Variants in ARHGAP15 observed in about 807,000 individuals in gnomAD.
ARHGAP15 encodes the protein rho GTPase-activating protein 15.
A neutral mutation model predicts 63.7 loss-of-function variants in ARHGAP15; 51 were observed. That is an observed-to-expected ratio of 0.80 (90% CI 0.64 to 1.01). ARHGAP15 has a LOEUF of 1.01. Among genes scored for constraint, ARHGAP15 ranks in the 50% least tolerant of loss-of-function variants. ARHGAP15 has a pLI of 0.00. For missense variants in ARHGAP15, 560 were observed against 564.6 expected, an observed-to-expected ratio of 0.99 and a Z score of 0.08; for synonymous variants, 191 against 193.8, an observed-to-expected ratio of 0.99 and a Z score of 0.12.
In ARHGAP15 at chr2:143,703,448, G is replaced by A; in HGVS notation, c.1168G>A (p.Ala390Thr). ...GCAAGACAACAACACAAGAATTGAA[G>A]CTGTAAAATCTCTTGTACAAAAACT... ...KKQDNNTRIE[A>T]VKSLVQKLPP... Residue 390 changes from alanine (A) to threonine (T), a missense_variant, in exon 13 of 14, where the codon GCT becomes ACT. Ala to Thr is a moderately conservative substitution (Grantham distance 58). Coordinates refer to ENST00000295095, the MANE Select transcript of ARHGAP15 (RefSeq NM_018460.4). 1 of 1,610,654 alleles carries A rather than the reference G, an allele frequency of 6.2e-7. No individual in the cohort carries two copies. Among genetic ancestry groups the A allele is most frequent in the Non-Finnish European group, 8.5e-7 (1 of 1,178,748 alleles).
chr2:143,436,233 AC>A (rs1349939762), intron 7 of ARHGAP15, among the ~76,000 whole-genome samples: 1 of 152,164 alleles, frequency 6.6e-6, no homozygotes, highest in East Asian at 1.9e-4. Flanking sequence ...CTTATTTAAA[AC>A]CACTCATTCC....
chr2:143,218,662 T>A (rs1298323949), intron 4 of ARHGAP15, among the ~76,000 whole-genome samples: 3 of 152,226 alleles, frequency 2.0e-5, no homozygotes, highest in East Asian at 3.8e-4. Flanking sequence ...TATGGTGCTA[T>A]AGAGACATGC....
chr2:143,622,576 G>T (rs999949826), intron 11 of ARHGAP15, among the ~76,000 whole-genome samples: 1 of 152,016 alleles, frequency 6.6e-6, no homozygotes, highest in African/African-American at 2.4e-5. Flanking sequence ...AATCAAAAAT[G>T]ATTGCAGGGC....
intron 10 of ARHGAP15, among the ~76,000 whole-genome samples, chr2:143,540,828 CT>C (rs1341762849): frequency 1.3e-5 from 2 of 152,132 alleles, no homozygotes; most frequent in East Asian, 1.9e-4. Context: ...TTCATTTCAA[CT>C]TTGGTGAATC....
chr2:143,603,932 C>G (rs1396737993), intron 11 of ARHGAP15, among the ~76,000 whole-genome samples: 1 of 152,262 alleles, frequency 6.6e-6, no homozygotes, highest in Admixed American at 6.5e-5. Context: ...AAAAAAGAAG[C>G]CCATAAATGA....
intron 11 of ARHGAP15, among the ~76,000 whole-genome samples, chr2:143,600,536 C>T (rs1697726347): frequency 6.6e-6 from 1 of 152,142 alleles, no homozygotes; most frequent in Non-Finnish European, 1.5e-5. Context: ...TTTAATTCAG[C>T]CAACAAATAT....
chr2:143,357,865 TAGG>T (rs1489072955), intron 6 of ARHGAP15, among the ~76,000 whole-genome samples: 1 of 152,194 alleles, frequency 6.6e-6, no homozygotes, highest in African/African-American at 2.4e-5. Flanking sequence ...GATCTTGAAA[TAGG>T]AGAACTGCTA....
At chr2:143,371,900 T>C (rs1686574907) in intron 6 of ARHGAP15, among the ~76,000 whole-genome samples, 1 of 152,130 alleles carries the variant, frequency 6.6e-6, no homozygotes, top group Admixed American at 6.6e-5. Context: ...ATTTTACTCC[T>C]TTGACTTTTA....
intron 12 of ARHGAP15, among the ~76,000 whole-genome samples, chr2:143,637,029 A>G (rs1680350584): frequency 6.6e-6 from 1 of 152,018 alleles, no homozygotes. Context: ...GTGGGCTCTG[A>G]TCTTTCCCTC....
At chr2:143,372,401 A>T (rs1686602873) in intron 6 of ARHGAP15, among the ~76,000 whole-genome samples, 1 of 150,938 alleles carries the variant, frequency 6.6e-6, no homozygotes, top group Admixed American at 6.6e-5. Flanking sequence ...GTTCTATTTC[A>T]CCAATGATAC....
chr2:143,751,515 GGA>G, intron 13 of ARHGAP15, among the ~76,000 whole-genome samples: 1 of 152,172 alleles, frequency 6.6e-6, no homozygotes, highest in Non-Finnish European at 1.5e-5. Flanking sequence ...GGACTCTCAG[GGA>G]GAGAGGAGAT....
intron 13 of ARHGAP15, among the ~76,000 whole-genome samples, chr2:143,723,675 C>T (rs1298439687): frequency 6.6e-5 from 10 of 152,136 alleles, no homozygotes; most frequent in Non-Finnish European, 1.5e-4. Flanking sequence ...TATCACACAT[C>T]GGTCAACTTA....
intron 11 of ARHGAP15, among the ~76,000 whole-genome samples, chr2:143,621,954 C>T (rs189645213): frequency 4.2e-4 from 64 of 152,078 alleles, no homozygotes; most frequent in African/African-American, 1.4e-3. Context: ...TGCACCAAAA[C>T]GGCATTTTGT....
At chr2:143,307,479 C>T (rs888672604) in intron 6 of ARHGAP15, among the ~76,000 whole-genome samples, 4 of 152,060 alleles carry the variant, frequency 2.6e-5, no homozygotes, top group African/African-American at 9.7e-5. Flanking sequence ...AATGCTAAGG[C>T]TCAATAAAGG....
At chr2:143,711,277 CA>C (rs1207039183) in intron 13 of ARHGAP15, among the ~76,000 whole-genome samples, 1 of 152,186 alleles carries the variant, frequency 6.6e-6, no homozygotes, top group Non-Finnish European at 1.5e-5. Flanking sequence ...TCTCCTGAGG[CA>C]GATAAATTAG....
At chr2:143,235,411 A>G (rs1241207394) in intron 5 of ARHGAP15, among the ~76,000 whole-genome samples, 1 of 152,134 alleles carries the variant, frequency 6.6e-6, no homozygotes, top group Non-Finnish European at 1.5e-5. Context: ...GAATGGACAG[A>G]GCCTGTGCAC....
At chr2:143,272,247 A>G (rs1202846655) in intron 6 of ARHGAP15, among the ~76,000 whole-genome samples, 1 of 152,192 alleles carries the variant, frequency 6.6e-6, no homozygotes, top group Non-Finnish European at 1.5e-5. Context: ...GCCAGAACAT[A>G]TTAGGGAGGA....
intron 6 of ARHGAP15, among the ~76,000 whole-genome samples, chr2:143,360,317 T>G (rs1017709276): frequency 2.0e-5 from 3 of 152,098 alleles, no homozygotes; most frequent in African/African-American, 7.2e-5. Context: ...CCCAAGAGTT[T>G]GAGGTTGCAG....
At chr2:143,580,181 G>C (rs1285084588) in intron 11 of ARHGAP15, among the ~76,000 whole-genome samples, 1 of 151,470 alleles carries the variant, frequency 6.6e-6, no homozygotes, top group African/African-American at 2.4e-5. Flanking sequence ...ACTTAATTAG[G>C]GGCTAAAGAC....
Sources: allele counts gnomAD v4.1 joint callset (sites outside exome capture counted in the v4.1 genomes callset), GRCh38; gene constraint gnomAD v4.1.1; transcripts MANE v1.5; gene names NCBI Gene and HGNC (gene_info 2026-07-23, HGNC 2026-07-21).